Variants in RAB38 observed in about 807,000 individuals in gnomAD.
The protein encoded by RAB38 is RAB38, member RAS oncogene family.
A neutral mutation model predicts 18.4 loss-of-function variants in RAB38; 15 were observed. That is an observed-to-expected ratio of 0.82 (90% CI 0.55 to 1.26). The LOEUF (loss-of-function observed/expected upper bound fraction) is 1.26. Among genes scored for constraint, RAB38 ranks in the 50% most tolerant of loss-of-function variants. The pLI is 0.00. For synonymous variants in RAB38, 101 were observed against 104.4 expected, an observed-to-expected ratio of 0.97 and a Z score of 0.20; for missense variants, 294 against 267.4, an observed-to-expected ratio of 1.10 and a Z score of -0.69.
At chr11:88,140,388 T>C (rs935106303) in intron 2 of RAB38, among the ~76,000 whole-genome samples, 1 of 152,184 alleles carries the variant, frequency 6.6e-6, no homozygotes, top group South Asian at 2.1e-4. Context: ...CCAAGAATAA[T>C]AGAATAAAAT....
At chr11:87,869,224 G>T in the RAB38 span, among the ~76,000 whole-genome samples, 4 of 151,676 alleles carry the variant, frequency 2.6e-5, no homozygotes, top group African/African-American at 7.3e-5. Flanking sequence ...CACAAGGTCA[G>T]CTACTACTTT....
chr11:87,977,876 T>C, the RAB38 span, among the ~76,000 whole-genome samples: 35,081 of 100,620 alleles, frequency 0.35, 6,821 homozygotes, highest in Middle Eastern at 0.47. Flanking sequence ...CAAATATATA[T>C]AAAGATGTAG....
chr11:88,102,821 G>A, the RAB38 span, among the ~76,000 whole-genome samples: 5 of 152,006 alleles, frequency 3.3e-5, no homozygotes, highest in Admixed American at 3.3e-4. Flanking sequence ...TCTCAGGCAA[G>A]TACCTAACAA....
chr11:88,011,456 T>C, the RAB38 span, among the ~76,000 whole-genome samples: 4 of 152,204 alleles, frequency 2.6e-5, no homozygotes, highest in African/African-American at 9.7e-5. Context: ...CTGACCTGCA[T>C]AGAGTAACAT....
At chr11:87,968,088 T>A in the RAB38 span, among the ~76,000 whole-genome samples, 1 of 152,220 alleles carries the variant, frequency 6.6e-6, no homozygotes, top group Admixed American at 6.5e-5. Flanking sequence ...TTTGGCTTAT[T>A]TTCAAATGGT....
At chr11:88,031,263 G>T in the RAB38 span, among the ~76,000 whole-genome samples, 1 of 151,902 alleles carries the variant, frequency 6.6e-6, no homozygotes, top group African/African-American at 2.4e-5. Flanking sequence ...CAAACCCACA[G>T]CCAACATCAT....
chr11:88,138,931 C>T lies in RAB38; in HGVS notation c.483+10744G>A, dbSNP rs369365083. 8.9e-4 allele frequency among the ~76,000 whole-genome samples: 135 copies of T among 151,986 alleles called. 1 individual carries two copies. The highest frequency in any genetic ancestry group is 3.0e-3 in the African/African-American group (123 of 41,462). On this transcript the variant is annotated intron_variant, in intron 2 of 2. Coordinates refer to ENST00000243662, the MANE Select transcript of RAB38 (RefSeq NM_022337.3). ...CCGAGTAGCTGGGACTACAGGCGCC[C>T]GCCACCACGCCTGGCTAATTTTTTT...
chr11:87,891,852 G>A, the RAB38 span, among the ~76,000 whole-genome samples: 2 of 151,732 alleles, frequency 1.3e-5, no homozygotes, highest in East Asian at 3.9e-4. Flanking sequence ...CATTTCCATG[G>A]CCTTTATAAG....
the RAB38 span, among the ~76,000 whole-genome samples, chr11:87,926,200 G>T: frequency 3.9e-5 from 6 of 152,050 alleles, no homozygotes; most frequent in South Asian, 1.0e-3. Context: ...TCAACCTTAT[G>T]ATTTTACCCT....
chr11:88,033,795 T>A, the RAB38 span, among the ~76,000 whole-genome samples: 1 of 140,496 alleles, frequency 7.1e-6, no homozygotes, highest in Non-Finnish European at 1.5e-5. Flanking sequence ...TGGCGCAATC[T>A]CAGCTGACTG....
the RAB38 span, among the ~76,000 whole-genome samples, chr11:88,013,252 A>C: frequency 0.3 from 46,234 of 152,060 alleles, 8,132 homozygotes; most frequent in Non-Finnish European, 0.4. Flanking sequence ...GGAACAAAGA[A>C]ATAACAGCCT....
chr11:87,891,493 T>C, the RAB38 span, among the ~76,000 whole-genome samples: 1 of 151,852 alleles, frequency 6.6e-6, no homozygotes, highest in Non-Finnish European at 1.5e-5. Flanking sequence ...AAATGGGTTT[T>C]GCTCTTTCCT....
rs568510034 is a variant in RAB38 at position 88,126,483 on chromosome 11, T to C, written c.484-12343A>G. On this transcript the variant is annotated intron_variant, in intron 2 of 2. Coordinates refer to ENST00000243662, the MANE Select transcript of RAB38 (RefSeq NM_022337.3). ...ACCAAACACTGCATGTTCTCACTCA[T>C]AGGTCGGAGTTGATCAGTGAAAACA... 3.9e-5 allele frequency among the ~76,000 whole-genome samples: 6 copies of C among 152,162 alleles called. No individual in the cohort carries two copies. The South Asian group carries it at 1.0e-3, about 26-fold the overall frequency.
At chr11:88,069,118 T>G in the RAB38 span, among the ~76,000 whole-genome samples, 42 of 152,172 alleles carry the variant, frequency 2.8e-4, no homozygotes, top group East Asian at 5.1e-3. Context: ...CCGGTGGGCA[T>G]GAGCTCAGTG....
At chr11:88,158,373 C>G (rs1197264545) in intron 1 of RAB38, among the ~76,000 whole-genome samples, 1 of 151,988 alleles carries the variant, frequency 6.6e-6, no homozygotes. Context: ...GGTATCAATC[C>G]TACTAAAACT....
the RAB38 span, among the ~76,000 whole-genome samples, chr11:87,941,870 A>G: frequency 6.6e-6 from 1 of 152,086 alleles, no homozygotes; most frequent in African/African-American, 2.4e-5. Context: ...CAGACCTGAA[A>G]GACACAGAGA....
chr11:88,138,014 C>T (rs1942857914), intron 2 of RAB38, among the ~76,000 whole-genome samples: 1 of 152,162 alleles, frequency 6.6e-6, no homozygotes, highest in Non-Finnish European at 1.5e-5. Context: ...CCAGAAATGT[C>T]ATGCATCTTT....
chr11:88,032,881 A>G, the RAB38 span, among the ~76,000 whole-genome samples: 4 of 152,352 alleles, frequency 2.6e-5, no homozygotes, highest in African/African-American at 9.6e-5. Flanking sequence ...TACTGGGTAT[A>G]TACCCAAAGG....
chr11:87,965,293 A>T, the RAB38 span, among the ~76,000 whole-genome samples: 1 of 5,912 alleles, frequency 1.7e-4, no homozygotes, highest in Admixed American at 1.2e-3. Context: ...GTGTCTCAAT[A>T]AAAAAAAAAA....
Sources: gnomAD v4.1 joint callset for allele counts (sites outside exome capture counted in the v4.1 genomes callset) on GRCh38, gnomAD v4.1.1 for gene constraint, MANE v1.5 for transcripts, NCBI Gene and HGNC (gene_info 2026-07-23, HGNC 2026-07-21) for gene names.